The following FBXL2 variants were observed in gnomAD, a reference collection of about 807,000 sequenced individuals.
The protein encoded by FBXL2 is F-box and leucine rich repeat protein 2.
FBXL2 carries 38 observed loss-of-function variants against 69.2 expected under a neutral mutation model. That is an observed-to-expected ratio of 0.55 (90% CI 0.42 to 0.72). The LOEUF (loss-of-function observed/expected upper bound fraction) is 0.72. Among genes scored for constraint, FBXL2 ranks in the 30% least tolerant of loss-of-function variants. The pLI is 0.00. For missense variants in FBXL2, 354 were observed against 520.3 expected (o/e 0.68, Z 3.11); for synonymous variants, 192 against 201.3 (o/e 0.95, Z 0.39).
intron 4 of FBXL2, among the ~76,000 whole-genome samples, chr3:33,360,915 G>T (rs1452347249): frequency 1.8e-5 from 2 of 109,012 alleles, no homozygotes; most frequent in Admixed American, 1.0e-4. Flanking sequence ...AGCACATGAA[G>T]AACTTTTTTT....
chr3:33,321,304 C>T lies in FBXL2; in HGVS notation c.65+23579C>T, dbSNP rs1157973907. On this transcript the variant is annotated intron_variant, in intron 2 of 14. Coordinates refer to ENST00000484457, the MANE Select transcript of FBXL2 (RefSeq NM_012157.5). ...CAGCCTGGGTGACAGAGCCTGACTC[C>T]ATCTCAAAAAAAAAAAGAAAAAGAA... 2.8e-5 allele frequency among the ~76,000 whole-genome samples: 4 copies of T among 140,552 alleles called. No homozygotes were observed. In the East Asian group the frequency reaches 8.2e-4, roughly 29 times the overall value. 92.2% of individuals were successfully genotyped at this position (140,552 alleles called of 152,430 possible).
chr3:33,338,862 C>T (rs902938092), intron 2 of FBXL2, among the ~76,000 whole-genome samples: 1 of 151,882 alleles, frequency 6.6e-6, no homozygotes, highest in Non-Finnish European at 1.5e-5. Context: ...GGACATAGGC[C>T]CTGGCAAATG....
intron 2 of FBXL2, among the ~76,000 whole-genome samples, chr3:33,357,731 G>A (rs902810044): frequency 2.0e-5 from 3 of 151,864 alleles, no homozygotes; most frequent in Non-Finnish European, 4.4e-5. Flanking sequence ...GGGTTTCACC[G>A]TGTTAGCCAG....
At chr3:33,415,869 T>C in the FBXL2 span, 8 of 152,220 alleles carry the variant, frequency 5.3e-5, no homozygotes, top group Non-Finnish European at 1.2e-4. Context: ...ACCCATCATT[T>C]GATCCCTAAG....
chr3:33,368,861 C>G (rs1434851879), intron 5 of FBXL2, among the ~76,000 whole-genome samples: 1 of 152,176 alleles, frequency 6.6e-6, no homozygotes, highest in Non-Finnish European at 1.5e-5. Context: ...GCTGGGATTA[C>G]AGGCGTGAGC....
At chr3:33,351,627 C>A (rs1187961659) in intron 2 of FBXL2, among the ~76,000 whole-genome samples, 1 of 152,006 alleles carries the variant, frequency 6.6e-6, no homozygotes, top group Non-Finnish European at 1.5e-5. Context: ...TCACCAAAAT[C>A]CAAATCAAAA....
At chr3:33,376,971 G>A (rs2042680184) in intron 10 of FBXL2, among the ~76,000 whole-genome samples, 1 of 152,218 alleles carries the variant, frequency 6.6e-6, no homozygotes, top group Non-Finnish European at 1.5e-5. Flanking sequence ...CTGCACTCCA[G>A]CCTGGGTGAC....
At chr3:33,408,973 T>G in the FBXL2 span, among the ~76,000 whole-genome samples, 1 of 152,204 alleles carries the variant, frequency 6.6e-6, no homozygotes, top group Admixed American at 6.5e-5. Context: ...GGCTCCAACT[T>G]AAGTCTCTTG....
intron 1 of FBXL2, chr3:33,289,918 A>G: frequency 6.0e-6 from 2 of 332,004 alleles, no homozygotes; most frequent in Non-Finnish European, 8.6e-6. Flanking sequence ...ATGGCAAGAC[A>G]GCTAAGAAAT....
intron 2 of FBXL2, among the ~76,000 whole-genome samples, chr3:33,321,510 A>T (rs2038215012): frequency 1.3e-5 from 2 of 152,214 alleles, no homozygotes; most frequent in African/African-American, 4.8e-5. Context: ...AAATTAAGAA[A>T]TGTGACATTA....
intron 1 of FBXL2, among the ~76,000 whole-genome samples, chr3:33,291,536 A>T (rs1269097003): frequency 6.6e-6 from 1 of 152,198 alleles, no homozygotes; most frequent in Non-Finnish European, 1.5e-5. Flanking sequence ...TTAAAGTAGA[A>T]ATAATAACAT....
intron 2 of FBXL2, among the ~76,000 whole-genome samples, chr3:33,347,307 C>G (rs1028794119): frequency 1.3e-5 from 2 of 152,136 alleles, no homozygotes; most frequent in Non-Finnish European, 2.9e-5. Flanking sequence ...GGATCTCATT[C>G]TTTGTATGGC....
chr3:33,371,676 C>T (rs1267347363), intron 5 of FBXL2, among the ~76,000 whole-genome samples: 1 of 152,112 alleles, frequency 6.6e-6, no homozygotes, highest in East Asian at 1.9e-4. Flanking sequence ...TTTCCTCCTT[C>T]TATGAAAACA....
At chr3:33,334,819 A>G (rs1029331946) in intron 2 of FBXL2, among the ~76,000 whole-genome samples, 1 of 152,116 alleles carries the variant, frequency 6.6e-6, no homozygotes, top group Non-Finnish European at 1.5e-5. Flanking sequence ...AGTGGCTCAC[A>G]TCTGTAATCC....
At chr3:33,366,387 G>C (rs1279241137) in intron 5 of FBXL2, among the ~76,000 whole-genome samples, 1 of 152,096 alleles carries the variant, frequency 6.6e-6, no homozygotes, top group East Asian at 1.9e-4. Flanking sequence ...ATTTCTGGGG[G>C]TGTGTTCAGT....
chr3:33,406,746 TG>T (rs1170544740), downstream of FBXL2, among the ~76,000 whole-genome samples: 1 of 152,228 alleles, frequency 6.6e-6, no homozygotes, highest in African/African-American at 2.4e-5. Context: ...CTCATAGTTA[TG>T]GTTTCGGTAC....
At chr3:33,300,554 ACAGATCTT>A (rs1427169999) in intron 2 of FBXL2, 1 of 152,248 alleles carries the variant, frequency 6.6e-6, no homozygotes. Flanking sequence ...TATTGCCACT[ACAGATCTT>A]CTCCAACTTG....
intron 4 of FBXL2, 97 bp from the exon 5 acceptor site, chr3:33,364,527 GA>G: frequency 1.8e-6 from 2 of 1,085,458 alleles, no homozygotes; most frequent in Non-Finnish European, 2.8e-6. Flanking sequence ...GTTACACTTG[GA>G]AAAATATATT....
At chr3:33,359,183 A>G in intron 3 of FBXL2, 100 bp from the exon 4 acceptor site, 1 of 1,074,010 alleles carries the variant, frequency 9.3e-7, no homozygotes, top group Non-Finnish European at 1.4e-6. Flanking sequence ...CATCAAAAAT[A>G]GGAGTTTGGA....
Sources: allele counts gnomAD v4.1 joint callset (sites outside exome capture counted in the v4.1 genomes callset), GRCh38; gene constraint gnomAD v4.1.1; transcripts MANE v1.5; gene names NCBI Gene and HGNC (gene_info 2026-07-23, HGNC 2026-07-21).